COL19A1: variants seen among roughly 807,000 people sequenced by gnomAD.
COL19A1 encodes the protein collagen type XIX alpha 1 chain.
In COL19A1, 159 loss-of-function variants were observed where a neutral mutation model predicts 190.2. The ratio of observed to expected loss-of-function variants is 0.84; its 90% CI spans 0.73 to 0.95. The LOEUF is 0.95. Ranked by LOEUF, COL19A1 falls within the 40% of genes least tolerant of loss-of-function variation. The probability of loss-of-function intolerance (pLI) is 0.00; values close to 1 mark genes in which losing one functional copy is unlikely to be tolerated. For missense variants in COL19A1, 1,418 were observed against 1,431.9 expected (o/e 0.99, Z 0.16); for synonymous variants, 509 against 458.9 (o/e 1.11, Z -1.39).
chr6:70,067,923 TAC>T (rs1781342100), intron 14 of COL19A1, among the ~76,000 whole-genome samples: 1 of 152,066 alleles, frequency 6.6e-6, no homozygotes, highest in South Asian at 2.1e-4. Flanking sequence ...TTTATATTAT[TAC>T]AAGAAAGCAG....
chr6:70,177,715 T>C (rs1239528137), intron 42 of COL19A1, among the ~76,000 whole-genome samples: 1 of 152,226 alleles, frequency 6.6e-6, no homozygotes. Flanking sequence ...AGCAACATAT[T>C]TGGAAATCAG....
At chr6:70,163,483 C>A in intron 36 of COL19A1, 87 bp downstream of exon 36, 1 of 1,230,422 alleles carries the variant, frequency 8.1e-7, no homozygotes. Flanking sequence ...GCCATAAAAT[C>A]AAGCAAAGCC....
chr6:70,056,411 A>G (rs1036199533), intron 14 of COL19A1, among the ~76,000 whole-genome samples: 3 of 152,244 alleles, frequency 2.0e-5, no homozygotes, highest in East Asian at 1.9e-4. Flanking sequence ...AAGAGAGAAA[A>G]CAAGAATACT....
intron 2 of COL19A1, among the ~76,000 whole-genome samples, chr6:69,887,508 C>G (rs1769024445): frequency 6.6e-6 from 1 of 152,140 alleles, no homozygotes; most frequent in Non-Finnish European, 1.5e-5. Flanking sequence ...CTACTCAGAC[C>G]TAAATACACA....
chr6:69,955,500 A>T (rs1160140435), intron 9 of COL19A1, among the ~76,000 whole-genome samples: 1 of 151,460 alleles, frequency 6.6e-6, no homozygotes, highest in Non-Finnish European at 1.5e-5. Context: ...AGAAGTACAA[A>T]ACTGTATAGT....
At chr6:70,109,697 C>CTTTA (rs1562182101) in intron 16 of COL19A1, among the ~76,000 whole-genome samples, 3 of 151,864 alleles carry the variant, frequency 2.0e-5, no homozygotes, top group African/African-American at 4.8e-5. Context: ...TTTGAGTGGA[C>CTTTA]GGGGAATAGG....
rs185650558 is a variant in COL19A1 at position 69,940,441 on chromosome 6, A to G, written c.936+2341A>G. On this transcript the variant is annotated intron_variant, in intron 9 of 50. Transcript: ENST00000620364. ...TGTTCACAGAACATTCTCTCCTTCT[A>G]TAGAAACTAAAACCAGTAGAAAAGA... 7.1e-4 allele frequency among the ~76,000 whole-genome samples: 108 copies of G among 152,236 alleles called. 1 individual carries two copies. Among genetic ancestry groups the G allele is most frequent in the Middle Eastern group, 3.4e-3 (1 of 294 alleles).
intron 9 of COL19A1, among the ~76,000 whole-genome samples, chr6:69,952,682 G>A (rs1221642855): frequency 6.6e-6 from 1 of 151,976 alleles, no homozygotes; most frequent in Admixed American, 6.6e-5. Context: ...CCTCAGCACT[G>A]CAGTGAGATG....
At chr6:69,898,878 T>G in intron 2 of COL19A1, 70 bp from the exon 3 acceptor site, 1 of 886,120 alleles carries the variant, frequency 1.1e-6, no homozygotes, top group Non-Finnish European at 1.8e-6. Flanking sequence ...ATCTTAAGTT[T>G]CTGATTGTAC....
At chr6:69,903,432 T>C (rs1415405854) in intron 4 of COL19A1, among the ~76,000 whole-genome samples, 1 of 152,140 alleles carries the variant, frequency 6.6e-6, no homozygotes, top group Non-Finnish European at 1.5e-5. Flanking sequence ...TTCGCTAAAG[T>C]GGATGTCTGC....
At chr6:70,168,830 C>A (rs1017643325) in intron 40 of COL19A1, 149 bp downstream of exon 40, 3 of 736,556 alleles carry the variant, frequency 4.1e-6, no homozygotes, top group African/African-American at 1.8e-5. Flanking sequence ...TAAATGCCAG[C>A]AATATGTTCT....
At chr6:69,886,849 A>G (rs1186278284) in intron 2 of COL19A1, among the ~76,000 whole-genome samples, 1 of 152,180 alleles carries the variant, frequency 6.6e-6, no homozygotes, top group African/African-American at 2.4e-5. Flanking sequence ...TGTGATAGCT[A>G]TTTCCACTGC....
At chr6:70,127,634 G>A (rs991153137) in intron 17 of COL19A1, among the ~76,000 whole-genome samples, 1 of 152,202 alleles carries the variant, frequency 6.6e-6, no homozygotes, top group Non-Finnish European at 1.5e-5. Flanking sequence ...ACAATTCCAT[G>A]TAGCTGGGGA....
chr6:70,025,063 C>T (rs541008291), intron 12 of COL19A1, among the ~76,000 whole-genome samples: 1 of 147,370 alleles, frequency 6.8e-6, no homozygotes, highest in East Asian at 2.0e-4. Flanking sequence ...CTTGCTCTTT[C>T]CCCCAGGCTG....
chr6:70,115,982 G>C (rs1411226736), intron 16 of COL19A1, among the ~76,000 whole-genome samples: 1 of 151,926 alleles, frequency 6.6e-6, no homozygotes. Flanking sequence ...ATTTCATTTT[G>C]AGTAAATATT....
At chr6:69,970,229 T>G (rs1410952484) in intron 11 of COL19A1, among the ~76,000 whole-genome samples, 1 of 152,212 alleles carries the variant, frequency 6.6e-6, no homozygotes, top group Non-Finnish European at 1.5e-5. Context: ...TTTATCAACT[T>G]TACTTCATTT....
rs553763878 is a variant in COL19A1, at chr6:70,085,885, A to G, written c.1225-16284A>G. On this transcript the variant is annotated intron_variant, in intron 15 of 50. Transcript: ENST00000620364. Reference sequence around the variant, plus strand: ...AGAGAAAAGTCCCATATGATACCCAATTTGTATTTTGAAATTCAGCTGGAT... The same window carrying G: ...AGAGAAAAGTCCCATATGATACCCAGTTTGTATTTTGAAATTCAGCTGGAT... Among the ~76,000 whole-genome samples, 8 of 152,294 alleles carry G rather than the reference A, an allele frequency of 5.3e-5. No individual in the cohort carries two copies. The East Asian group carries it at 7.7e-4, about 15-fold the overall frequency.
chr6:70,199,439 G>A (rs969139903), intron 48 of COL19A1, among the ~76,000 whole-genome samples, 169 bp from the exon 49 acceptor site: 4 of 152,158 alleles, frequency 2.6e-5, no homozygotes, highest in African/African-American at 4.8e-5. Context: ...CTTTGCAATC[G>A]ATATTATTTG....
At chr6:70,182,244 C>T (rs938100004) in intron 44 of COL19A1, among the ~76,000 whole-genome samples, 1 of 152,138 alleles carries the variant, frequency 6.6e-6, no homozygotes, top group African/African-American at 2.4e-5. Context: ...ACAAAACTTG[C>T]TGATGGACTA....
Sources: allele counts gnomAD v4.1 joint callset (sites outside exome capture counted in the v4.1 genomes callset), GRCh38; gene constraint gnomAD v4.1.1; transcripts MANE v1.5; gene names NCBI Gene and HGNC (gene_info 2026-07-23, HGNC 2026-07-21).